RGL1: variants seen among roughly 807,000 people sequenced by gnomAD.
The protein encoded by RGL1 is ral guanine nucleotide dissociation stimulator-like 1.
RGL1 carries 24 observed loss-of-function variants against 95.2 expected under a neutral mutation model. That is an observed-to-expected ratio of 0.25 (90% CI 0.18 to 0.35). The LOEUF is 0.35. RGL1 is among the 10% of genes least tolerant of loss of function. The probability of loss-of-function intolerance (pLI) is 1.00; values close to 1 mark genes in which losing one functional copy is unlikely to be tolerated. For missense variants in RGL1, 715 were observed against 936.3 expected, an observed-to-expected ratio of 0.76 and a Z score of 3.08; for synonymous variants, 329 against 344.9, an observed-to-expected ratio of 0.95 and a Z score of 0.51.
rs1668093084 is a variant in RGL1, at chr1:183,902,609, A to C, written c.1350+9A>C. 2.5e-6 allele frequency: 4 copies of C among 1,609,126 alleles called. No homozygotes were observed. The East Asian group carries it at 8.9e-5, about 36-fold the overall frequency. On this transcript the variant is annotated intron_variant, in intron 12 of 17. Coordinates refer to ENST00000360851, the MANE Select transcript of RGL1 (RefSeq NM_001297671.3). The stretch of plus-strand genomic sequence containing the variant: ...TTGAGAAAAGGAGAAGGGTAAGTAG[A>C]GTTGTTGGCTGTGTTTCCTTTGTCT...
intron 1 of RGL1, among the ~76,000 whole-genome samples, chr1:183,694,039 T>C (rs574642030): frequency 1.6e-4 from 25 of 152,340 alleles, no homozygotes; most frequent in African/African-American, 5.5e-4. Flanking sequence ...TGGCCTGTTT[T>C]CTCAATATTG....
chr1:183,789,423 C>A (rs928961912), intron 2 of RGL1, among the ~76,000 whole-genome samples: 14 of 152,154 alleles, frequency 9.2e-5, no homozygotes, highest in African/African-American at 3.4e-4. Flanking sequence ...GCACTCCAGC[C>A]TGGGCAACGA....
chr1:183,660,013 A>G (rs1183134219), intron 1 of RGL1, among the ~76,000 whole-genome samples: 2 of 151,932 alleles, frequency 1.3e-5, no homozygotes, highest in Non-Finnish European at 2.9e-5. Context: ...ATGCTGAGAG[A>G]TTTTGTCACC....
chr1:183,905,177 C>T (rs1227404948), intron 13 of RGL1, among the ~76,000 whole-genome samples: 1 of 152,136 alleles, frequency 6.6e-6, no homozygotes, highest in East Asian at 1.9e-4. Flanking sequence ...TGCTTGGCCA[C>T]TTATTTATCT....
chr1:183,887,667 T>G (rs1206827544), intron 7 of RGL1, among the ~76,000 whole-genome samples: 2 of 152,148 alleles, frequency 1.3e-5, no homozygotes, highest in African/African-American at 4.8e-5. Context: ...CTGTCCCTGC[T>G]ATTCAGTCAC....
Position 183,926,232 on chromosome 1 carries a change from G to C in RGL1, c.2247G>C (p.Thr749=). 1 of 1,613,866 alleles carries C rather than the reference G, an allele frequency of 6.2e-7. No homozygotes were observed. Among genetic ancestry groups the C allele is most frequent in the South Asian group, 1.1e-5 (1 of 91,036 alleles). The change falls in exon 18 of 18, where the codon ACG becomes ACC. Residue 749 remains threonine, a synonymous_variant. Transcript: ENST00000360851. ...QVKLRSRTSL[T]LPRTAKRGCW... ...AACTGCGTAGCCGGACCAGCTTGACGTTGCCCAGGACAGCTAAACGGGGCT... is the reference window on the plus strand; with the variant it reads ...AACTGCGTAGCCGGACCAGCTTGACCTTGCCCAGGACAGCTAAACGGGGCT...
intron 2 of RGL1, among the ~76,000 whole-genome samples, chr1:183,843,769 GA>G (rs1399871666): frequency 6.6e-6 from 1 of 152,138 alleles, no homozygotes; most frequent in East Asian, 1.9e-4. Flanking sequence ...TAACCACTGA[GA>G]AGCCATTCCT....
chr1:183,707,167 C>G (rs1190767027), intron 1 of RGL1, among the ~76,000 whole-genome samples: 1 of 152,140 alleles, frequency 6.6e-6, no homozygotes, highest in African/African-American at 2.4e-5. Context: ...GGGACTGCCT[C>G]TGTGTCACTA....
rs1345594668 is a variant in RGL1 at position 183,638,746 on chromosome 1, T to TATTTAACCTGGTTTG, written c.-33+2245_-33+2246insATTTAACCTGGTTTG. Reference sequence around the variant, plus strand: ...TAAGGTTTTAAGACATTTTACTTGTTGTGCAAATAACCTGGTTTGGTTCAA... The same window carrying TATTTAACCTGGTTTG: ...TAAGGTTTTAAGACATTTTACTTGTTATTTAACCTGGTTTGGTGCAAATAACCTGGTTTGGTTCAA... On this transcript the variant is annotated intron_variant, in intron 1 of 18. Transcript: ENST00000304685. Among the ~76,000 whole-genome samples, 5 of 152,332 alleles carry TATTTAACCTGGTTTG rather than the reference T, an allele frequency of 3.3e-5. No individual in the cohort carries two copies. The South Asian group carries it at 1.0e-3, about 32-fold the overall frequency.
chr1:183,810,133 A>G (rs1414941571), intron 2 of RGL1, among the ~76,000 whole-genome samples: 2 of 152,228 alleles, frequency 1.3e-5, no homozygotes, highest in African/African-American at 2.4e-5. Flanking sequence ...GAAGTGTAAC[A>G]TTTCAGGATG....
intron 1 of RGL1, among the ~76,000 whole-genome samples, chr1:183,675,361 C>T (rs1190362427): frequency 6.7e-6 from 1 of 149,884 alleles, no homozygotes; most frequent in Non-Finnish European, 1.5e-5. Flanking sequence ...TCCTTCCATC[C>T]TCCCACCCTC....
intron 15 of RGL1, among the ~76,000 whole-genome samples, chr1:183,915,724 A>G (rs956573255): frequency 2.6e-5 from 4 of 152,236 alleles, no homozygotes; most frequent in African/African-American, 9.6e-5. Context: ...TCACAGTACT[A>G]AACATACCGA....
chr1:183,708,676 C>T (rs1655070560), intron 1 of RGL1, among the ~76,000 whole-genome samples: 1 of 152,230 alleles, frequency 6.6e-6, no homozygotes, highest in East Asian at 1.9e-4. Context: ...CCTTCTTGGA[C>T]CAACATTGGA....
chr1:183,742,266 T>C, exon 2 of RGL1: 1 of 1,614,024 alleles, frequency 6.2e-7, no homozygotes, highest in East Asian at 2.2e-5. Flanking sequence ...TGTTCGAATA[T>C]GGGAAGTTTT....
intron 1 of RGL1, chr1:183,647,196 T>C (rs1650351219): frequency 6.5e-6 from 1 of 152,974 alleles, no homozygotes; most frequent in Non-Finnish European, 1.5e-5. Flanking sequence ...AAAAATGAGC[T>C]GCCTAAAATC....
intron 15 of RGL1, among the ~76,000 whole-genome samples, chr1:183,915,169 A>G (rs1668885919): frequency 6.6e-6 from 1 of 152,136 alleles, no homozygotes; most frequent in Non-Finnish European, 1.5e-5. Flanking sequence ...AAGATAATAG[A>G]CTCCATTTTA....
chr1:183,806,185 T>C (rs888987721), intron 1 of RGL1, among the ~76,000 whole-genome samples, 190 bp from the exon 2 acceptor site: 1 of 152,122 alleles, frequency 6.6e-6, no homozygotes, highest in Admixed American at 6.5e-5. Flanking sequence ...AGGAAGGGAC[T>C]GCAAGCCAAG....
chr1:183,640,211 C>T (rs1269195625), intron 1 of RGL1, among the ~76,000 whole-genome samples: 1 of 152,178 alleles, frequency 6.6e-6, no homozygotes, highest in Non-Finnish European at 1.5e-5. Context: ...TTTGGATACT[C>T]AAAGTCAGAG....
chr1:183,835,522 T>C (rs1334495477), intron 2 of RGL1, among the ~76,000 whole-genome samples: 1 of 152,216 alleles, frequency 6.6e-6, no homozygotes, highest in African/African-American at 2.4e-5. Flanking sequence ...TTGGGTTAAG[T>C]CATTCATCCA....
Sources: gnomAD v4.1 joint callset for allele counts (sites outside exome capture counted in the v4.1 genomes callset) on GRCh38, gnomAD v4.1.1 for gene constraint, MANE v1.5 for transcripts, NCBI Gene and HGNC (gene_info 2026-07-23, HGNC 2026-07-21) for gene names.